Variants in ATP1A2 observed in about 807,000 individuals in gnomAD.
The protein encoded by ATP1A2 is ATPase Na+/K+ transporting subunit alpha 2.
In ATP1A2, 56 loss-of-function variants were observed where a neutral mutation model predicts 113.1. The observed-to-expected ratio is 0.49, with a 90% confidence interval of 0.40 to 0.62. The LOEUF (loss-of-function observed/expected upper bound fraction) is 0.62. ATP1A2 is among the 20% of genes least tolerant of loss of function. ATP1A2 has a pLI of 0.00. For synonymous variants in ATP1A2, 490 were observed against 526.8 expected, an observed-to-expected ratio of 0.93 and a Z score of 0.96; for missense variants, 712 against 1,357.8, an observed-to-expected ratio of 0.52 and a Z score of 7.47.
chr1:160,136,127 G>T (rs1651927873), intron 17 of ATP1A2, 120 bp from the exon 18 acceptor site: 3 of 1,598,742 alleles, frequency 1.9e-6, no homozygotes, highest in Non-Finnish European at 1.7e-6. Flanking sequence ...GAAGACAATG[G>T]GGTCTGAATA....
At chr1:160,136,051 G>A in intron 17 of ATP1A2, 58 bp downstream of exon 17, 1 of 1,613,444 alleles carries the variant, frequency 6.2e-7, no homozygotes, top group Non-Finnish European at 8.5e-7. Context: ...CACAGTGGCA[G>A]GGAGGAGAGG....
At chr1:160,125,732 G>T (rs1284463949) in intron 7 of ATP1A2, among the ~76,000 whole-genome samples, 1 of 152,222 alleles carries the variant, frequency 6.6e-6, no homozygotes, top group East Asian at 1.9e-4. Context: ...AACACTTGGG[G>T]CCTACTTCAG....
At chr1:160,128,605 C>T (rs1359643109) in intron 8 of ATP1A2, 47 bp from the exon 9 acceptor site, 3 of 1,613,758 alleles carry the variant, frequency 1.9e-6, no homozygotes, top group Middle Eastern at 3.3e-4. Flanking sequence ...TTATGGCCAT[C>T]TCCGGCTTCA....
chr1:160,130,734 T>G, intron 13 of ATP1A2, 137 bp downstream of exon 13: 1 of 1,286,014 alleles, frequency 7.8e-7, no homozygotes, highest in Middle Eastern at 2.7e-4. Context: ...GCTGTCCATC[T>G]GCAAGGAAAG....
intron 1 of ATP1A2, 141 bp from the exon 2 acceptor site, chr1:160,120,765 C>G (rs1306702045): frequency 2.4e-6 from 2 of 816,992 alleles, no homozygotes; most frequent in Admixed American, 4.6e-5. Flanking sequence ...GTCCCTCACC[C>G]TCCATCCCCC....
rs1385398984 is a variant in ATP1A2 at position 160,136,345 on chromosome 1, C to T, written c.2538C>T (p.Leu846=). The T allele has an allele frequency of 1.2e-6, 2 of 1,614,014 alleles. No homozygotes were observed. Among genetic ancestry groups the T allele is most frequent in the African/African-American group, 2.7e-5 (2 of 74,938 alleles). Residue 846 remains leucine (L), a synonymous_variant, in exon 18 of 23, where the codon CTC becomes CTT. Transcript: ENST00000361216. ...SQTDKLVNER[L]ISMAYGQIGM... is the part of the protein sequence containing the mutation. ...CGGACAAGCTGGTGAATGAGAGGCT[C>T]ATCAGCATGGCCTACGGACAGATCG...
chr1:160,128,228 C>T (rs538167181), intron 8 of ATP1A2, among the ~76,000 whole-genome samples: 2 of 152,268 alleles, frequency 1.3e-5, no homozygotes, highest in East Asian at 3.9e-4. Context: ...TCTCTTTTGT[C>T]GATTGCTGTG....
At chr1:160,134,720 C>A in intron 14 of ATP1A2, 100 bp downstream of exon 14, 1 of 1,528,124 alleles carries the variant, frequency 6.5e-7, no homozygotes, top group African/African-American at 1.4e-5. Flanking sequence ...ATTTCTGGGA[C>A]CTTTATAGGC....
chr1:160,128,950 C>G lies in ATP1A2; in HGVS notation c.1217-30C>G, dbSNP rs373704478. ...GAGATAAAGGCTCTAAAGGGAGCCA[C>G]GCTCCTGGTTCCCCCTCATTTCCTC... On this transcript the variant is annotated intron_variant, in intron 9 of 22. Transcript: ENST00000361216. 3 of 1,594,162 alleles carry G rather than the reference C, an allele frequency of 1.9e-6. No individual in the cohort carries two copies. In the East Asian group the frequency reaches 6.8e-5, roughly 36 times the overall value.
chr1:160,124,087 G>A (rs780495428), intron 5 of ATP1A2, 31 bp downstream of exon 5: 2 of 1,610,672 alleles, frequency 1.2e-6, no homozygotes, highest in Non-Finnish European at 8.5e-7. Context: ...TCTGGGCTAG[G>A]CTGTAAGGTT....
At chr1:160,136,824 C>T in intron 19 of ATP1A2, 77 bp from the exon 20 acceptor site, 1 of 1,614,076 alleles carries the variant, frequency 6.2e-7, no homozygotes, top group Non-Finnish European at 8.5e-7. Context: ...AGGGGTGGAT[C>T]AGGAGAAACC....
rs370023134 is a variant in ATP1A2 at position 160,130,414 on chromosome 1, C to G, written c.1652-8C>G. 5.0e-6 allele frequency: 8 copies of G among 1,614,194 alleles called. No individual in the cohort carries two copies. The highest frequency in any genetic ancestry group is 1.3e-5 in the African/African-American group (1 of 75,044). On this transcript the variant is annotated splice_polypyrimidine_tract_variant and splice_region_variant and intron_variant, in intron 12 of 22. Coordinates refer to ENST00000361216, the MANE Select transcript of ATP1A2 (RefSeq NM_000702.4). ...CGGATCTCACTGATCCCTTCTGCCC[C>G]CCTTTAGGATTCTGTCAACTGAATC...
chr1:160,123,522 C>G lies in ATP1A2; in HGVS notation c.381+106C>G. On this transcript the variant is annotated intron_variant, in intron 4 of 22. Coordinates refer to ENST00000361216, the MANE Select transcript of ATP1A2 (RefSeq NM_000702.4). ...GGAACAAGGCCCTCACATAACAGTC[C>G]TACAGATGCCCCTGCATCTTAGGCT... is the stretch of plus-strand genomic sequence containing the variant. 7 of 1,397,330 alleles carry G rather than the reference C, an allele frequency of 5.0e-6. No homozygotes were observed. The South Asian group carries it at 8.2e-5, about 16-fold the overall frequency. The allele number at this position is 1,397,330 out of a possible 1,614,324, so 86.6% of individuals were successfully genotyped here. A position where few individuals can be genotyped will look rare whatever the true frequency, so the allele number is the denominator to read the frequency against.
intron 4 of ATP1A2, 101 bp from the exon 5 acceptor site, chr1:160,123,842 G>A (rs1193086502): frequency 2.9e-6 from 3 of 1,034,166 alleles, no homozygotes; most frequent in East Asian, 2.5e-5. Context: ...CAAAGGTCTG[G>A]GCTGTCATCT....
chr1:160,127,502 A>C (rs1443798105), intron 7 of ATP1A2, 50 bp from the exon 8 acceptor site: 3 of 1,612,616 alleles, frequency 1.9e-6, no homozygotes. Context: ...ATGGGACTGC[A>C]GTCCCTGGGA....
chr1:160,138,978 G>A (rs186619405), intron 20 of ATP1A2, among the ~76,000 whole-genome samples: 1 of 152,224 alleles, frequency 6.6e-6, no homozygotes, highest in African/African-American at 2.4e-5. Flanking sequence ...ATCTCCATTT[G>A]ATAGAGAAGG....
rs1001435157 is a variant in ATP1A2, at chr1:160,140,283, G to A, written c.3034+299G>A. 1.1e-4 allele frequency among the ~76,000 whole-genome samples: 16 copies of A among 152,064 alleles called. No homozygotes were observed. The East Asian group carries it at 1.3e-3, about 13-fold the overall frequency. ...GCCTTTCCAGGTCACCTAGTCCCAC[G>A]TCCATATTTTACAGATAGAGGAGGC... On this transcript the variant is annotated intron_variant, in intron 22 of 22. Transcript: ENST00000361216.
chr1:160,126,320 T>A (rs975841191), intron 7 of ATP1A2, among the ~76,000 whole-genome samples: 14 of 152,224 alleles, frequency 9.2e-5, no homozygotes, highest in Admixed American at 2.0e-4. Flanking sequence ...TGTTTTTAAA[T>A]TTGTATTATT....
chr1:160,119,343 A>T (rs1651300656), intron 1 of ATP1A2, among the ~76,000 whole-genome samples: 1 of 151,340 alleles, frequency 6.6e-6, no homozygotes, highest in African/African-American at 2.4e-5. Flanking sequence ...AACAAAAGTT[A>T]ACATCATAGT....
Sources: allele counts gnomAD v4.1 joint callset (sites outside exome capture counted in the v4.1 genomes callset), GRCh38; gene constraint gnomAD v4.1.1; transcripts MANE v1.5; gene names NCBI Gene and HGNC (gene_info 2026-07-23, HGNC 2026-07-21).